USP32: variants seen among roughly 807,000 people sequenced by gnomAD.
The protein encoded by USP32 is ubiquitin carboxyl-terminal hydrolase 32.
In USP32, 59 loss-of-function variants were observed where a neutral mutation model predicts 204.8. The observed-to-expected ratio is 0.29, with a 90% CI of 0.23 to 0.36. The LOEUF is 0.36. USP32 is among the 10% of genes least tolerant of loss of function. The pLI is 1.00. For missense variants in USP32, 1,160 were observed against 1,946.4 expected, an observed-to-expected ratio of 0.60 and a Z score of 7.60; for synonymous variants, 517 against 678.4, an observed-to-expected ratio of 0.76 and a Z score of 3.70.
At chr17:60,369,423 TAA>T (rs11348474) in intron 1 of USP32, among the ~76,000 whole-genome samples, 43 of 85,098 alleles carry the variant, frequency 5.1e-4, no homozygotes, top group East Asian at 1.1e-3. Context: ...GACCCCTACC[TAA>T]AAAAAAAAAA....
At chr17:60,275,520 C>T (rs1246206358) in intron 5 of USP32, among the ~76,000 whole-genome samples, 1 of 152,010 alleles carries the variant, frequency 6.6e-6, no homozygotes, top group Non-Finnish European at 1.5e-5. Context: ...CACACACATA[C>T]CCCCACACCC....
chr17:60,378,497 A>G (rs112527134), intron 1 of USP32, among the ~76,000 whole-genome samples: 3 of 152,196 alleles, frequency 2.0e-5, no homozygotes, highest in Non-Finnish European at 4.4e-5. Context: ...TTGTACACCA[A>G]TGTTCACAAC....
At chr17:60,205,322 A>G (rs1407488084) in intron 26 of USP32, 125 bp downstream of exon 26, 28 of 1,369,244 alleles carry the variant, frequency 2.0e-5, no homozygotes, top group Admixed American at 3.3e-5. Context: ...AAAATTATTA[A>G]ATTTTAAAAA....
At position 60,369,610 on chromosome 17, in the gene USP32, A is replaced by G. The variant is rs75464870; in HGVS notation, c.58+22272T>C. ...AAACACAACAATTGGCAGATCTGAC[A>G]TATACAAAATTTTAACTCATACACA... On this transcript the variant is annotated intron_variant, in intron 1 of 33. Coordinates refer to ENST00000300896, the MANE Select transcript of USP32 (RefSeq NM_032582.4). Among the ~76,000 whole-genome samples, 371 of 152,300 alleles carry G rather than the reference A, an allele frequency of 2.4e-3. 2 individuals are homozygous for G. Among genetic ancestry groups the G allele is most frequent in the African/African-American group, 8.3e-3 (347 of 41,578 alleles).
intron 12 of USP32, among the ~76,000 whole-genome samples, chr17:60,234,237 C>T (rs1399342077): frequency 1.3e-5 from 2 of 151,674 alleles, no homozygotes; most frequent in Non-Finnish European, 2.9e-5. Context: ...CCTCACCCTC[C>T]CGAGTAGCTG....
intron 6 of USP32, 38 bp from the exon 7 acceptor site, chr17:60,269,595 G>C: frequency 6.7e-7 from 1 of 1,492,076 alleles, no homozygotes; most frequent in Non-Finnish European, 9.2e-7. Flanking sequence ...TCACAGCCAA[G>C]CTTCCTAATG....
At chr17:60,365,202 C>T (rs894782885) in intron 1 of USP32, among the ~76,000 whole-genome samples, 2 of 151,810 alleles carry the variant, frequency 1.3e-5, no homozygotes, top group African/African-American at 2.4e-5. Flanking sequence ...ATGTTTTAGC[C>T]GGGTGCGGTG....
rs532373142 is a variant in USP32 at position 60,381,036 on chromosome 17, T to C, written c.58+10846A>G. Among the ~76,000 whole-genome samples, 3 of 152,338 alleles carry C rather than the reference T, an allele frequency of 2.0e-5. No homozygotes were observed. In the South Asian group the frequency reaches 6.2e-4, roughly 32 times the overall value. On this transcript the variant is annotated intron_variant, in intron 1 of 33. Coordinates refer to ENST00000300896, the MANE Select transcript of USP32 (RefSeq NM_032582.4). ...TGCATAAATGTCATGAGACAAAATT[T>C]ACTCTAGAAAGCACAATTTACCAGA...
At chr17:60,269,395 A>C in intron 7 of USP32, 55 bp downstream of exon 7, 1 of 1,325,862 alleles carries the variant, frequency 7.5e-7, no homozygotes, top group Non-Finnish European at 1.1e-6. Flanking sequence ...ATTGATGAAA[A>C]CTGATTTTCT....
At chr17:60,228,501 C>CTTTTTTTTTTTTT (rs1018176786) in intron 12 of USP32, among the ~76,000 whole-genome samples, 3 of 104,116 alleles carry the variant, frequency 2.9e-5, no homozygotes, top group Non-Finnish European at 5.4e-5. Context: ...TTTTCTTTTT[C>CTTTTTTTTTTTTT]TTTTTTTTTT....
At chr17:60,397,293 G>A (rs2146156546) in intron 1 of USP32, among the ~76,000 whole-genome samples, 1 of 152,312 alleles carries the variant, frequency 6.6e-6, no homozygotes, top group South Asian at 2.1e-4. Flanking sequence ...ACCAGCTCCA[G>A]CTGTGTACCT....
At chr17:60,412,031 A>C (rs1035680582) in intron 1 of USP32, among the ~76,000 whole-genome samples, 1 of 151,818 alleles carries the variant, frequency 6.6e-6, no homozygotes, top group African/African-American at 2.4e-5. Flanking sequence ...AGCTGGCAAA[A>C]TTGCAAAAAC....
chr17:60,343,817 C>CG (rs1235527996), intron 2 of USP32, among the ~76,000 whole-genome samples: 1 of 152,052 alleles, frequency 6.6e-6, no homozygotes, highest in African/African-American at 2.4e-5. Flanking sequence ...AGGTCACCTG[C>CG]GGTCAGGAGT....
intron 2 of USP32, among the ~76,000 whole-genome samples, chr17:60,307,689 C>G (rs1359782249): frequency 6.6e-6 from 1 of 152,114 alleles, no homozygotes; most frequent in Non-Finnish European, 1.5e-5. Flanking sequence ...AGGCAGGTGC[C>G]TGGCTAGGGC....
intron 12 of USP32, chr17:60,231,509 C>G (rs775209208): frequency 2.0e-6 from 1 of 502,086 alleles, no homozygotes; most frequent in South Asian, 1.4e-5. Context: ...ATTTCCCACT[C>G]AACTACACAT....
In USP32 at chr17:60,244,129, G is replaced by A. The variant is rs894654415; in HGVS notation, c.1137-7889C>T. ...CGGCTCACTGCAAGCCCCGCCTCCC[G>A]GGTTCACGCCATTCTCCTGTCTCAG... is the stretch of plus-strand genomic sequence containing the variant. On this transcript the variant is annotated intron_variant, in intron 11 of 33. Coordinates refer to ENST00000300896, the MANE Select transcript of USP32 (RefSeq NM_032582.4). Among the ~76,000 whole-genome samples the A allele has an allele frequency of 6.5e-5, 9 of 138,708 alleles. No individual in the cohort carries two copies. The East Asian group carries it at 1.6e-3, about 25-fold the overall frequency. 91.0% of individuals were successfully genotyped at this position (138,708 alleles called of 152,430 possible). A position where few individuals can be genotyped will look rare whatever the true frequency, so the allele number is the denominator to read the frequency against.
At position 60,345,556 on chromosome 17, in the gene USP32, T is replaced by A; in HGVS notation, c.111A>T (p.Gly37=). 2.5e-6 allele frequency: 4 copies of A among 1,614,004 alleles called. No individual in the cohort carries two copies. The South Asian group carries it at 4.4e-5, about 18-fold the overall frequency. Residue 37 remains glycine (G), a synonymous_variant, in exon 2 of 34, where the codon GGA becomes GGT. Coordinates refer to ENST00000300896, the MANE Select transcript of USP32 (RefSeq NM_032582.4). ...RLKDAFKRTC[G]LSYYMGQHCF... ...AGTGCTGGCCCATGTAATATGAGAG[T>A]CCACAGGTCCTCTTGAAAGCATCCT... is the stretch of plus-strand genomic sequence containing the variant.
At chr17:60,402,246 C>CT (rs761342227) in intron 1 of USP32, among the ~76,000 whole-genome samples, 4,786 of 118,422 alleles carry the variant, frequency 0.04, 357 homozygotes, top group African/African-American at 0.14. Context: ...CCTCATTTAT[C>CT]TTTTTTTTTT....
At chr17:60,389,875 G>A (rs1419072013) in intron 1 of USP32, among the ~76,000 whole-genome samples, 2 of 151,942 alleles carry the variant, frequency 1.3e-5, no homozygotes, top group Non-Finnish European at 2.9e-5. Flanking sequence ...AAATTAGCCG[G>A]GCGTGGTGGC....
Sources: allele counts gnomAD v4.1 joint callset (sites outside exome capture counted in the v4.1 genomes callset), GRCh38; gene constraint gnomAD v4.1.1; transcripts MANE v1.5; gene names NCBI Gene and HGNC (gene_info 2026-07-23, HGNC 2026-07-21).